The following PPFIBP2 variants were observed in gnomAD, a reference collection of about 807,000 sequenced individuals.
PPFIBP2 encodes the protein liprin-beta-2.
Under a neutral mutation model 118.3 loss-of-function variants are expected in PPFIBP2, and 118 were observed. The ratio of observed to expected loss-of-function variants is 1.00; its 90% CI spans 0.86 to 1.16. The LOEUF (loss-of-function observed/expected upper bound fraction) is 1.16, where lower values mean the gene tolerates loss of function less well. Among genes scored for constraint, PPFIBP2 ranks in the 50% most tolerant of loss-of-function variants. PPFIBP2 has a pLI of 0.00. For synonymous variants in PPFIBP2, 414 were observed against 397.4 expected (o/e 1.04, Z -0.50); for missense variants, 1,195 against 1,073.1 (o/e 1.11, Z -1.59).
rs754132570 is a variant in PPFIBP2, at chr11:7,653,026, A to G, written c.2439A>G (p.Pro813=). ...TPLTTTAKVR[P]RKLGFSHFGN... is the part of the protein sequence containing the mutation. ...ATCTTGCATTTTCTGTGTTTTAGCC[A>G]AGGAAACTAGGATTTTCACACTTCG... Residue 813 remains proline (P), a splice_region_variant and synonymous_variant, in exon 24 of 24, where the codon CCA becomes CCG. Coordinates refer to ENST00000299492, the MANE Select transcript of PPFIBP2 (RefSeq NM_003621.5). 2 of 1,606,512 alleles carry G rather than the reference A, an allele frequency of 1.2e-6. No homozygotes were observed. Among genetic ancestry groups the G allele is most frequent in the East Asian group, 4.5e-5 (2 of 44,694 alleles).
downstream of PPFIBP2, among the ~76,000 whole-genome samples, chr11:7,657,619 C>T (rs865874367): frequency 7.2e-5 from 11 of 152,216 alleles, no homozygotes; most frequent in African/African-American, 1.4e-4. Flanking sequence ...ATGTCTGTTT[C>T]CTCTCCACTC....
At chr11:7,597,811 G>C in intron 5 of PPFIBP2, 138 bp downstream of exon 5, 1 of 672,438 alleles carries the variant, frequency 1.5e-6, no homozygotes, top group Non-Finnish European at 2.6e-6. Flanking sequence ...CAGTTGTACG[G>C]TGTTTATACA....
At chr11:7,666,034 A>AGCTGTCTGGGCTGCT in the PPFIBP2 span, 2 of 873,498 alleles carry the variant, frequency 2.3e-6, no homozygotes, top group East Asian at 5.3e-5. Flanking sequence ...TCTGGGCTGC[A>AGCTGTCTGGGCTGCT]GCAGCTGTCT....
At position 7,625,854 on chromosome 11, in the gene PPFIBP2, G is replaced by A. The variant is rs2135695211; in HGVS notation, c.789G>A (p.Arg263=). ...AGCGTCTGCACAGCCAGCTCTCCCG[G>A]ACAGCAGCTCTCCACAGTGAGAGTC... The part of the protein sequence containing the change: ...EIERLHSQLS[R]TAALHSESHT... Residue 263 remains arginine, a synonymous_variant, in exon 8 of 24, where the codon CGG becomes CGA. Transcript: ENST00000299492. The A allele has an allele frequency of 6.2e-7, 1 of 1,614,220 alleles. No individual in the cohort carries two copies. Among genetic ancestry groups the A allele is most frequent in the East Asian group, 2.2e-5 (1 of 44,882 alleles).
chr11:7,625,116 G>A (rs745797032), intron 7 of PPFIBP2, among the ~76,000 whole-genome samples: 11 of 152,194 alleles, frequency 7.2e-5, no homozygotes, highest in Non-Finnish European at 1.2e-4. Context: ...GTACTTATGA[G>A]CTGTGTATAC....
the PPFIBP2 span, chr11:7,665,686 C>T: frequency 3.4e-5 from 39 of 1,139,696 alleles, no homozygotes; most frequent in African/African-American, 6.3e-5. Flanking sequence ...ACTACTGCTC[C>T]CTGCAAAAAG....
rs183195341 is a variant in PPFIBP2 at position 7,652,910 on chromosome 11, G to T, written c.2437-114G>T. The stretch of plus-strand genomic sequence containing the variant: ...TTTGTTCAGAGTCTTTCTAGGAGCA[G>T]TTTACATTATTCCTCTCCTTGAGTG... On this transcript the variant is annotated intron_variant, in intron 23 of 23. Transcript: ENST00000299492. 8.8e-5 allele frequency: 111 copies of T among 1,257,714 alleles called. No homozygotes were observed. In the East Asian group the frequency reaches 1.6e-3, roughly 19 times the overall value. The allele number at this position is 1,257,714 out of a possible 1,614,324, so 77.9% of individuals were successfully genotyped here.
intron 1 of PPFIBP2, among the ~76,000 whole-genome samples, chr11:7,516,891 C>T (rs1036091287): frequency 2.0e-5 from 3 of 152,178 alleles, no homozygotes; most frequent in East Asian, 1.9e-4. Flanking sequence ...TTTCAGACCC[C>T]GGGGAGAATC....
At position 7,639,711 on chromosome 11, in the gene PPFIBP2, CTT is replaced by C; in HGVS notation, c.1237-19_1237-18del. On this transcript the variant is annotated intron_variant, in intron 14 of 23. Transcript: ENST00000299492. Reference sequence around the variant, plus strand: ...CTGACAGTTAAGTCGGTATCTCTCTCTTTCTCTCACCTTCCAATAGGACAGCC... The same window carrying C: ...CTGACAGTTAAGTCGGTATCTCTCTCTCTCTCACCTTCCAATAGGACAGCC... The C allele has an allele frequency of 6.2e-7, 1 of 1,613,824 alleles. No homozygotes were observed. Among genetic ancestry groups the C allele is most frequent in the Non-Finnish European group, 8.5e-7 (1 of 1,179,850 alleles).
intron 17 of PPFIBP2, among the ~76,000 whole-genome samples, chr11:7,646,469 A>G (rs1007712701): frequency 3.9e-5 from 6 of 152,278 alleles, no homozygotes; most frequent in Admixed American, 3.9e-4. Flanking sequence ...ATGCTAGAAG[A>G]AAGACTAAAT....
chr11:7,531,971 G>T (rs1009110217), intron 1 of PPFIBP2, among the ~76,000 whole-genome samples: 1 of 152,108 alleles, frequency 6.6e-6, no homozygotes, highest in African/African-American at 2.4e-5. Flanking sequence ...GAGGAGCTGG[G>T]ATTATAGGCA....
intron 15 of PPFIBP2, among the ~76,000 whole-genome samples, chr11:7,640,450 T>C (rs1852022243): frequency 1.3e-5 from 2 of 152,174 alleles, no homozygotes; most frequent in South Asian, 4.1e-4. Context: ...CTGCTTTTCA[T>C]TCAAAATAAG....
chr11:7,564,882 A>T (rs1854775566), intron 2 of PPFIBP2, among the ~76,000 whole-genome samples: 2 of 152,178 alleles, frequency 1.3e-5, no homozygotes, highest in South Asian at 4.1e-4. Flanking sequence ...AGTCACTTCC[A>T]CTGCTTTCTG....
At chr11:7,635,148 T>A (rs894504654) in intron 13 of PPFIBP2, among the ~76,000 whole-genome samples, 2 of 152,074 alleles carry the variant, frequency 1.3e-5, no homozygotes, top group Admixed American at 6.5e-5. Context: ...GCTTGGTCAT[T>A]AGAGACCAAG....
At chr11:7,644,495 T>TCTA (rs1852676389) in intron 17 of PPFIBP2, among the ~76,000 whole-genome samples, 1 of 152,184 alleles carries the variant, frequency 6.6e-6, no homozygotes, top group Admixed American at 6.5e-5. Flanking sequence ...CCTGAGTTGA[T>TCTA]CTACTGACTG....
chr11:7,630,951 A>C lies in PPFIBP2; in HGVS notation c.991A>C (p.Asn331His). 1 of 1,614,120 alleles carries C rather than the reference A, an allele frequency of 6.2e-7. No homozygotes were observed. Among genetic ancestry groups the C allele is most frequent in the South Asian group, 1.1e-5 (1 of 91,076 alleles). ...GCCTTCGGAGAGAACTCTCTCAATC[A>C]ATGAAGAAGAACCGGAGGGAGGTTT... ...QGPSERTLSINEEEPEGGFSK... is the reference protein window; with the variant it reads ...QGPSERTLSIHEEEPEGGFSK... Residue 331 changes from asparagine (N) to histidine (H), a missense_variant, in exon 11 of 24, where the codon AAT (asparagine) becomes CAT (histidine). Transcript: ENST00000299492.
At chr11:7,534,739 A>G (rs577605568) in intron 1 of PPFIBP2, among the ~76,000 whole-genome samples, 15 of 152,310 alleles carry the variant, frequency 9.8e-5, no homozygotes, top group African/African-American at 3.1e-4. Context: ...CCCAGAGCTT[A>G]ATTCACACTG....
the PPFIBP2 span, chr11:7,665,930 G>A: frequency 7.8e-6 from 12 of 1,535,678 alleles, no homozygotes; most frequent in African/African-American, 5.5e-5. Flanking sequence ...GCCCTCTGCC[G>A]ACCAGGGACC....
In PPFIBP2 at chr11:7,610,287, G is replaced by A. The variant is rs1590575887; in HGVS notation, c.487-4G>A. 1.9e-6 allele frequency: 3 copies of A among 1,613,276 alleles called. No individual in the cohort carries two copies. The highest frequency in any genetic ancestry group is 8.5e-7 in the Non-Finnish European group (1 of 1,179,336). ...CTGATTTCGAGATCTGTTTTTGCTT[G>A]CAGGAGCTGCTAAGCCGCACATCTC... On this transcript the variant is annotated splice_polypyrimidine_tract_variant and splice_region_variant and intron_variant, in intron 5 of 23. Coordinates refer to ENST00000299492, the MANE Select transcript of PPFIBP2 (RefSeq NM_003621.5).
Sources: gnomAD v4.1 joint callset for allele counts (sites outside exome capture counted in the v4.1 genomes callset) on GRCh38, gnomAD v4.1.1 for gene constraint, MANE v1.5 for transcripts, NCBI Gene and HGNC (gene_info 2026-07-23, HGNC 2026-07-21) for gene names.